Variants in PDE1A observed in about 807,000 individuals in gnomAD.
The protein encoded by PDE1A is dual specificity calcium/calmodulin-dependent 3',5'-cyclic nucleotide phosphodiesterase 1A.
Under a neutral mutation model 61.7 loss-of-function variants are expected in PDE1A, and 35 were observed. The ratio of observed to expected loss-of-function variants is 0.57; its 90% CI spans 0.43 to 0.75. PDE1A has a LOEUF of 0.75. PDE1A is among the 30% of genes least tolerant of loss of function. PDE1A has a pLI of 0.00. For synonymous variants in PDE1A, 232 were observed against 213.2 expected (o/e 1.09, Z -0.77); for missense variants, 597 against 630.6 (o/e 0.95, Z 0.57).
At chr2:182,605,751 C>T in the PDE1A span, among the ~76,000 whole-genome samples, 3 of 152,290 alleles carry the variant, frequency 2.0e-5, no homozygotes, top group Non-Finnish European at 4.4e-5. Flanking sequence ...CAAATTGTGT[C>T]TCTGAGTATT....
At chr2:182,579,472 C>T in the PDE1A span, among the ~76,000 whole-genome samples, 2 of 152,138 alleles carry the variant, frequency 1.3e-5, no homozygotes, top group Non-Finnish European at 2.9e-5. Flanking sequence ...AGCAAAGCAG[C>T]GAGACAAATA....
chr2:182,692,081 G>A, the PDE1A span, among the ~76,000 whole-genome samples: 4 of 152,188 alleles, frequency 2.6e-5, no homozygotes, highest in Admixed American at 6.5e-5. Flanking sequence ...TGGTAGGACT[G>A]TAAACTAGTT....
chr2:182,665,024 T>A, the PDE1A span, among the ~76,000 whole-genome samples: 1 of 152,236 alleles, frequency 6.6e-6, no homozygotes, highest in African/African-American at 2.4e-5. Context: ...TTATAAACAA[T>A]GTTCTTGAAA....
At chr2:182,353,467 A>G (rs558123949) in intron 1 of PDE1A, among the ~76,000 whole-genome samples, 87 of 152,256 alleles carry the variant, frequency 5.7e-4, no homozygotes, top group African/African-American at 1.9e-3. Context: ...TTTGCTTGGT[A>G]TTTCACAGAT....
At chr2:182,567,293 T>C in the PDE1A span, among the ~76,000 whole-genome samples, 1 of 152,216 alleles carries the variant, frequency 6.6e-6, no homozygotes, top group East Asian at 1.9e-4. Flanking sequence ...CATATTTGTG[T>C]TTGATATCTC....
intron 1 of PDE1A, among the ~76,000 whole-genome samples, chr2:182,361,088 G>C (rs1341079695): frequency 7.9e-5 from 12 of 151,988 alleles, no homozygotes; most frequent in Non-Finnish European, 1.3e-4. Flanking sequence ...CCGAAACTAA[G>C]GATCAGAGGT....
intron 8 of PDE1A, 74 bp downstream of exon 8, chr2:182,205,866 T>C (rs1172319660): frequency 2.4e-5 from 32 of 1,358,624 alleles, no homozygotes; most frequent in Non-Finnish European, 2.9e-5. Flanking sequence ...TTTCATCTTT[T>C]TTCTTGACTT....
the PDE1A span, among the ~76,000 whole-genome samples, chr2:182,631,065 A>C: frequency 6.6e-6 from 1 of 152,074 alleles, no homozygotes; most frequent in African/African-American, 2.4e-5. Flanking sequence ...TGGCTCACAC[A>C]ATTGTGGAAG....
chr2:182,710,174 C>T, the PDE1A span, among the ~76,000 whole-genome samples: 4 of 152,130 alleles, frequency 2.6e-5, no homozygotes, highest in Non-Finnish European at 2.9e-5. Context: ...GGATTACAGG[C>T]GTGAGCCACT....
intron 1 of PDE1A, among the ~76,000 whole-genome samples, chr2:182,352,749 T>A (rs1698960731): frequency 6.6e-6 from 1 of 152,012 alleles, no homozygotes; most frequent in African/African-American, 2.4e-5. Flanking sequence ...GCTGACTTGA[T>A]GTGTGGCAGA....
chr2:182,307,843 C>A (rs1207878966), intron 1 of PDE1A, among the ~76,000 whole-genome samples: 1 of 152,058 alleles, frequency 6.6e-6, no homozygotes, highest in Non-Finnish European at 1.5e-5. Context: ...ACAACAGATA[C>A]AGACTGTCTA....
the PDE1A span, among the ~76,000 whole-genome samples, chr2:182,584,219 C>T: frequency 6.6e-6 from 1 of 151,826 alleles, no homozygotes; most frequent in East Asian, 1.9e-4. Flanking sequence ...AGAGATCTTG[C>T]AAGGAGCCAC....
chr2:182,568,097 G>A, the PDE1A span, among the ~76,000 whole-genome samples: 15 of 151,922 alleles, frequency 9.9e-5, no homozygotes, highest in African/African-American at 2.4e-4. Context: ...CTGCGCCCGC[G>A]CCCGGCAATG....
the PDE1A span, among the ~76,000 whole-genome samples, chr2:182,559,784 T>C: frequency 6.6e-6 from 1 of 152,184 alleles, no homozygotes; most frequent in Non-Finnish European, 1.5e-5. Context: ...AAGCACTATA[T>C]GTACAGCCAT....
intron 2 of PDE1A, among the ~76,000 whole-genome samples, chr2:182,502,725 CTT>C (rs1373575694): frequency 4.6e-5 from 7 of 152,080 alleles, no homozygotes; most frequent in Admixed American, 2.0e-4. Flanking sequence ...AAAAATCAGA[CTT>C]TTTTCATTTG....
At chr2:182,322,526 A>G (rs1696760527) in intron 1 of PDE1A, among the ~76,000 whole-genome samples, 1 of 152,172 alleles carries the variant, frequency 6.6e-6, no homozygotes, top group East Asian at 1.9e-4. Context: ...ACCTCTGCCA[A>G]GCCATGTGGA....
the PDE1A span, among the ~76,000 whole-genome samples, chr2:182,651,381 G>A: frequency 6.6e-6 from 1 of 152,178 alleles, no homozygotes; most frequent in East Asian, 1.9e-4. Context: ...ATTGAGAAAT[G>A]TGAAAAATTT....
At chr2:182,449,829 A>T (rs1339163116) in intron 2 of PDE1A, among the ~76,000 whole-genome samples, 1 of 152,054 alleles carries the variant, frequency 6.6e-6, no homozygotes. Context: ...TAGGCTTGAG[A>T]ATAATAACTA....
At chr2:182,612,190 A>G in the PDE1A span, among the ~76,000 whole-genome samples, 1 of 152,244 alleles carries the variant, frequency 6.6e-6, no homozygotes, top group East Asian at 1.9e-4. Context: ...CTTAGTGAAC[A>G]TAATATTTAA....
Sources: gnomAD v4.1 joint callset for allele counts (sites outside exome capture counted in the v4.1 genomes callset) on GRCh38, gnomAD v4.1.1 for gene constraint, MANE v1.5 for transcripts, NCBI Gene and HGNC (gene_info 2026-07-23, HGNC 2026-07-21) for gene names.